TENM1: variants seen among roughly 807,000 people sequenced by gnomAD.
The protein encoded by TENM1 is teneurin transmembrane protein 1.
TENM1 carries 35 observed loss-of-function variants against 174.8 expected under a neutral mutation model. The ratio of observed to expected loss-of-function variants is 0.20; its 90% CI spans 0.15 to 0.27. The LOEUF (loss-of-function observed/expected upper bound fraction) is 0.27, where lower values mean the gene tolerates loss of function less well. Among genes scored for constraint, TENM1 ranks in the 10% least tolerant of loss-of-function variants. The pLI is 1.00. For missense variants in TENM1, 1,633 were observed against 2,130.1 expected (o/e 0.77, Z 4.59); for synonymous variants, 781 against 798.7 (o/e 0.98, Z 0.37).
At chrX:125,178,540 C>CA in the TENM1 span, among the ~76,000 whole-genome samples, 9 of 107,151 alleles carry the variant, frequency 8.4e-5, no homozygotes, top group East Asian at 5.8e-4. Flanking sequence ...AAATAAGCTA[C>CA]AAAAAAAAAG....
At chrX:124,943,680 A>T (rs978411867) in intron 1 of TENM1, among the ~76,000 whole-genome samples, 1 of 112,138 alleles carries the variant, frequency 8.9e-6, no homozygotes. Flanking sequence ...TTATACATTG[A>T]TTAGCTAACA....
chrX:124,464,515 A>C (rs1281821808), intron 22 of TENM1, among the ~76,000 whole-genome samples: 1 of 112,178 alleles, frequency 8.9e-6, no homozygotes, highest in Non-Finnish European at 1.9e-5. Context: ...GTATGTCTTG[A>C]CTAATGAAGC....
intron 23 of TENM1, among the ~76,000 whole-genome samples, chrX:124,437,046 T>C (rs1316103061): frequency 9.8e-6 from 1 of 102,545 alleles, no homozygotes; most frequent in Non-Finnish European, 2.0e-5. Flanking sequence ...GTTCAAGCAA[T>C]TCTTGTGCCT....
chrX:124,524,336 C>CA (rs749547138), intron 16 of TENM1, among the ~76,000 whole-genome samples: 10 of 111,820 alleles, frequency 8.9e-5, no homozygotes, highest in South Asian at 3.7e-4. Flanking sequence ...ATTCATTTTC[C>CA]AAAAAATCCT....
At chrX:124,455,663 A>C (rs924722580) in intron 22 of TENM1, among the ~76,000 whole-genome samples, 32 of 111,592 alleles carry the variant, frequency 2.9e-4, no homozygotes, top group Admixed American at 2.8e-3. Context: ...TATGATTACT[A>C]AATCGTAGTG....
At chrX:124,956,786 A>G (rs1369283958) in intron 1 of TENM1, among the ~76,000 whole-genome samples, 2 of 112,252 alleles carry the variant, frequency 1.8e-5, no homozygotes, top group East Asian at 5.6e-4. Context: ...TTTTCATTTC[A>G]TAGGTTTTGC....
intron 1 of TENM1, among the ~76,000 whole-genome samples, chrX:124,901,039 G>A (rs143241407): frequency 9.0e-6 from 1 of 110,962 alleles, no homozygotes; most frequent in African/African-American, 3.3e-5. Context: ...CGATCCATCT[G>A]CTTCAGCCTC....
intron 11 of TENM1, among the ~76,000 whole-genome samples, chrX:124,614,297 G>A (rs73215124): frequency 0.029 from 3,285 of 111,718 alleles, 55 homozygotes; most frequent in Non-Finnish European, 0.037. Flanking sequence ...GCAGCTTTAC[G>A]TAAAATTCTC....
intron 30 of TENM1, 72 bp downstream of exon 33, chrX:124,383,562 T>G: frequency 5.4e-6 from 5 of 932,784 alleles, no homozygotes; most frequent in East Asian, 3.1e-5. Flanking sequence ...ACAAAGGCAT[T>G]GAGATTCTGT....
chrX:124,469,624 C>T (rs182841883), intron 22 of TENM1, among the ~76,000 whole-genome samples: 16 of 110,988 alleles, frequency 1.4e-4, no homozygotes, highest in Admixed American at 2.9e-4. Flanking sequence ...ATCTTTACGA[C>T]AGGAAGATTC....
At chrX:125,153,588 G>C in the TENM1 span, among the ~76,000 whole-genome samples, 2 of 111,963 alleles carry the variant, frequency 1.8e-5, no homozygotes, top group Admixed American at 1.9e-4. Context: ...TTCCTTACTG[G>C]AGTCCTCTTA....
chrX:124,955,796 C>T (rs1000710984), intron 1 of TENM1, among the ~76,000 whole-genome samples: 4 of 86,823 alleles, frequency 4.6e-5, no homozygotes, highest in East Asian at 6.0e-4. Context: ...CACACGCGCA[C>T]GCACACACAC....
In TENM1 at chrX:124,713,087, G is replaced by A. The variant is rs759229802; in HGVS notation, c.777-7836C>T. 2.7e-5 allele frequency among the ~76,000 whole-genome samples: 3 copies of A among 111,051 alleles called. No individual in the cohort carries two copies. In the South Asian group the frequency reaches 1.2e-3, roughly 43 times the overall value. On this transcript the variant is annotated intron_variant, in intron 4 of 31. Transcript: ENST00000422452. Reference sequence around the variant, plus strand: ...CACATATTGCTTCTAAACCTCGGACGCCAAGTGTTGATAAAAATTCCATGC... The same window carrying A: ...CACATATTGCTTCTAAACCTCGGACACCAAGTGTTGATAAAAATTCCATGC...
At chrX:125,165,087 G>A in the TENM1 span, among the ~76,000 whole-genome samples, 1 of 112,002 alleles carries the variant, frequency 8.9e-6, no homozygotes, top group Non-Finnish European at 1.9e-5. Flanking sequence ...CAGTGAGAAA[G>A]TGATTCTCCT....
At chrX:124,755,546 G>T (rs1433466545) in intron 3 of TENM1, among the ~76,000 whole-genome samples, 3 of 110,246 alleles carry the variant, frequency 2.7e-5, no homozygotes, top group African/African-American at 6.6e-5. Flanking sequence ...GTTAGCTGGT[G>T]ATTTTGCTCG....
At chrX:125,196,009 G>GGAAC in the TENM1 span, among the ~76,000 whole-genome samples, 125 of 96,164 alleles carry the variant, frequency 1.3e-3, 1 homozygote, top group African/African-American at 4.8e-3. Context: ...AAGAAAAGAA[G>GGAAC]GAACGAAGGA....
chrX:124,408,733 T>C (rs1375675808), intron 25 of TENM1, among the ~76,000 whole-genome samples: 1 of 106,649 alleles, frequency 9.4e-6, no homozygotes, highest in Non-Finnish European at 1.9e-5. Flanking sequence ...GTTAGTTACA[T>C]ATGTATACAT....
rs146934376 is a variant in TENM1 at position 124,891,006 on chromosome X, G to A, written c.535+3290C>T. 3.6e-3 allele frequency among the ~76,000 whole-genome samples: 398 copies of A among 111,595 alleles called. 1 individual carries two copies. Among genetic ancestry groups the A allele is most frequent in the Non-Finnish European group, 5.3e-3 (279 of 53,126 alleles). ...TCTTGTCATTTGCAACAACATGAAT[G>A]GAATTGGAAGATATTATGTCAAGTG... is the stretch of plus-strand genomic sequence containing the variant. On this transcript the variant is annotated intron_variant, in intron 3 of 31. Coordinates refer to ENST00000422452, the Ensembl canonical transcript of TENM1.
the TENM1 span, among the ~76,000 whole-genome samples, chrX:124,999,273 T>G: frequency 2.7e-5 from 3 of 111,029 alleles, no homozygotes; most frequent in Non-Finnish European, 5.7e-5. Flanking sequence ...TATTAAAGAA[T>G]AGTATTCCTA....
Sources: gnomAD v4.1 joint callset for allele counts (sites outside exome capture counted in the v4.1 genomes callset) on GRCh38, gnomAD v4.1.1 for gene constraint, MANE v1.5 for transcripts, NCBI Gene and HGNC (gene_info 2026-07-23, HGNC 2026-07-21) for gene names.